The following VASH2 variants were observed in gnomAD, a reference collection of about 807,000 sequenced individuals.
VASH2 encodes tubulinyl-Tyr carboxypeptidase 2.
Under a neutral mutation model 37.2 loss-of-function variants are expected in VASH2, and 28 were observed. The observed-to-expected ratio is 0.75, with a 90% CI of 0.56 to 1.03. VASH2 has a LOEUF of 1.03. Among genes scored for constraint, VASH2 ranks in the 50% least tolerant of loss-of-function variants. The probability of loss-of-function intolerance (pLI) is 0.00; values close to 1 mark genes in which losing one functional copy is unlikely to be tolerated. For missense variants in VASH2, 419 were observed against 459.1 expected, an observed-to-expected ratio of 0.91 and a Z score of 0.80; for synonymous variants, 188 against 174.7, an observed-to-expected ratio of 1.08 and a Z score of -0.60.
At chr1:212,964,926 T>G (rs993801690) in intron 3 of VASH2, among the ~76,000 whole-genome samples, 4 of 151,864 alleles carry the variant, frequency 2.6e-5, no homozygotes, top group East Asian at 1.9e-4. Context: ...TGCCAGGTTT[T>G]TTTTTTTTTT....
chr1:212,962,208 C>T (rs1666702039), intron 3 of VASH2, among the ~76,000 whole-genome samples: 1 of 152,182 alleles, frequency 6.6e-6, no homozygotes, highest in Non-Finnish European at 1.5e-5. Context: ...GTCAGGATTA[C>T]ATCAGTTCTG....
At chr1:212,966,540 G>A (rs547818099) in intron 5 of VASH2, among the ~76,000 whole-genome samples, 195 bp downstream of exon 5, 9 of 152,230 alleles carry the variant, frequency 5.9e-5, no homozygotes, top group African/African-American at 2.2e-4. Flanking sequence ...TGGCTTCTTG[G>A]ACCAATATCA....
chr1:212,962,069 G>A (rs1432836980), intron 3 of VASH2, among the ~76,000 whole-genome samples: 1 of 152,176 alleles, frequency 6.6e-6, no homozygotes, highest in Non-Finnish European at 1.5e-5. Context: ...GAATGGTTCG[G>A]CTTCTGGGAT....
intron 7 of VASH2, among the ~76,000 whole-genome samples, chr1:212,977,101 A>C (rs1424468134): frequency 6.6e-6 from 1 of 152,170 alleles, no homozygotes; most frequent in African/African-American, 2.4e-5. Flanking sequence ...GGTGACATTT[A>C]GAGAGGCAGT....
intron 7 of VASH2, among the ~76,000 whole-genome samples, chr1:212,981,019 G>C (rs1379467957): frequency 6.6e-6 from 1 of 152,206 alleles, no homozygotes; most frequent in Non-Finnish European, 1.5e-5. Flanking sequence ...AGTGAGCCAG[G>C]AGCCTCTGTG....
chr1:212,988,770 GA>G lies in VASH2; in HGVS notation c.*190del. The G allele has an allele frequency of 1.6e-6, 1 of 631,460 alleles. No homozygotes were observed. The highest frequency in any genetic ancestry group is 1.8e-5 in the African/African-American group (1 of 54,570). The allele number at this position is 631,460 out of a possible 1,614,324, so 39.1% of individuals were successfully genotyped here. A position where few individuals can be genotyped will look rare whatever the true frequency, so the allele number is the denominator to read the frequency against. On this transcript the variant is annotated 3_prime_UTR_variant, in exon 8 of 8. Coordinates refer to ENST00000517399, the MANE Select transcript of VASH2 (RefSeq NM_001301056.2). ...TAAAAAATTCACTAAAAGGCACCAT[GA>G]AAAGGCTGAAGTAATAAGCCCCACT...
chr1:212,951,406 C>G lies in VASH2; in HGVS notation c.-137C>G. The G allele has an allele frequency of 6.0e-6, 2 of 334,356 alleles. No individual in the cohort carries two copies. The highest frequency in any genetic ancestry group is 8.6e-6 in the Non-Finnish European group (2 of 231,956). The allele number at this position is 334,356 out of a possible 1,614,324, so 20.7% of individuals were successfully genotyped here. A position where few individuals can be genotyped will look rare whatever the true frequency, so the allele number is the denominator to read the frequency against. On this transcript the variant is annotated 5_prime_UTR_variant, in exon 2 of 8. Coordinates refer to ENST00000517399, the MANE Select transcript of VASH2 (RefSeq NM_001301056.2). This position sits in a 1 kb window ranked among gnomAD's most constrained non-coding sequence, Gnocchi z 4.4. Reference sequence around the variant, plus strand: ...CGCTCCCCCTTGGTGAGTCCTGCCGCAGCGAGAGGCATGGAGAAGGCCGCC... The same window carrying G: ...CGCTCCCCCTTGGTGAGTCCTGCCGGAGCGAGAGGCATGGAGAAGGCCGCC...
chr1:212,991,270 A>C lies in VASH2; in HGVS notation c.*2686A>C, dbSNP rs2102672050. ...GATATTGGTAAATAGAACTTTGGAAATCTTAATTCAGAATTCTTACTATAC... is the reference window on the plus strand; with the variant it reads ...GATATTGGTAAATAGAACTTTGGAACTCTTAATTCAGAATTCTTACTATAC... On this transcript the variant is annotated 3_prime_UTR_variant, in exon 8 of 8. Transcript: ENST00000517399. 6.6e-6 allele frequency: 1 copy of C among 152,358 alleles called. No individual in the cohort carries two copies. Among genetic ancestry groups the C allele is most frequent in the Non-Finnish European group, 1.5e-5 (1 of 68,026 alleles). The allele number at this position is 152,358 out of a possible 1,614,324, so 9.4% of individuals were successfully genotyped here.
At chr1:212,974,148 G>A (rs1285104872) in intron 7 of VASH2, 78 bp downstream of exon 7, 6 of 1,466,522 alleles carry the variant, frequency 4.1e-6, no homozygotes, top group Non-Finnish European at 5.5e-6. Context: ...TGGGGACAAA[G>A]CTGTGTCTTG....
intron 5 of VASH2, among the ~76,000 whole-genome samples, chr1:212,970,800 G>C (rs931320002): frequency 6.6e-6 from 1 of 151,942 alleles, no homozygotes; most frequent in African/African-American, 2.4e-5. Context: ...TGAGGCGGGA[G>C]AATCGCTTGA....
intron 7 of VASH2, among the ~76,000 whole-genome samples, chr1:212,978,523 G>GTGATGGC (rs2102652899): frequency 6.6e-6 from 1 of 152,344 alleles, no homozygotes; most frequent in South Asian, 2.1e-4. Flanking sequence ...GAGCACGGAG[G>GTGATGGC]TGATGGCTGA....
chr1:212,951,423 A>G lies in VASH2; in HGVS notation c.-120A>G, dbSNP rs114232740. ...TCCTGCCGCAGCGAGAGGCATGGAG[A>G]AGGCCGCCCCCGCGGGGCGCTGATC... is the stretch of plus-strand genomic sequence containing the variant. On this transcript the variant is annotated 5_prime_UTR_variant, in exon 2 of 8. Coordinates refer to ENST00000517399, the MANE Select transcript of VASH2 (RefSeq NM_001301056.2). The surrounding 1 kb of genome is among the most constrained non-coding windows in gnomAD (Gnocchi z 4.4). 36,747 of 457,044 alleles carry G rather than the reference A, an allele frequency of 0.08. 2,265 individuals carry two copies. The highest frequency in any genetic ancestry group is 0.24 in the African/African-American group (11,450 of 47,200). 28.3% of individuals were successfully genotyped at this position (457,044 alleles called of 1,614,324 possible).
At chr1:212,962,266 G>C (rs1666704144) in intron 3 of VASH2, among the ~76,000 whole-genome samples, 1 of 152,174 alleles carries the variant, frequency 6.6e-6, no homozygotes, top group Non-Finnish European at 1.5e-5. Context: ...AGGAGCGGGT[G>C]GTCCACCTGC....
At chr1:212,962,980 T>C (rs1200772065) in intron 3 of VASH2, among the ~76,000 whole-genome samples, 2 of 133,702 alleles carry the variant, frequency 1.5e-5, no homozygotes, top group African/African-American at 7.2e-5. Context: ...CCCATCTCTT[T>C]TTTTTTTTTA....
Position 212,988,523 on chromosome 1 carries a change from C to A in VASH2, c.1007C>A (p.Pro336His). The change falls in exon 8 of 8, where the codon CCT becomes CAT. Residue 336 changes from proline to histidine, a missense_variant. Around this residue, in one of 3 missense-constraint regions of VASH2, gnomAD observed 177 missense variants for 166.2 expected, o/e 1.06. Coordinates refer to ENST00000517399, the MANE Select transcript of VASH2 (RefSeq NM_001301056.2). ...TCTTTTACCCTTAGGCCTGCACTGCCTGAAAAGAAGGTGGCTGATCTGAGC... is the reference window on the plus strand; with the variant it reads ...TCTTTTACCCTTAGGCCTGCACTGCATGAAAAGAAGGTGGCTGATCTGAGC... ...LGRREKSPALPEKKVADLSTL... is the reference protein window; with the variant it reads ...LGRREKSPALHEKKVADLSTL... 1 of 1,614,064 alleles carries A rather than the reference C, an allele frequency of 6.2e-7. No individual in the cohort carries two copies. Among genetic ancestry groups the A allele is most frequent in the South Asian group, 1.1e-5 (1 of 91,074 alleles).
chr1:212,961,075 C>T (rs886808832), intron 2 of VASH2, 91 bp from the exon 3 acceptor site: 1 of 1,259,606 alleles, frequency 7.9e-7, no homozygotes, highest in Non-Finnish European at 1.2e-6. Flanking sequence ...GCACCTCTCT[C>T]TCTGGTGGCT....
At chr1:212,980,736 A>G (rs1429524609) in intron 7 of VASH2, among the ~76,000 whole-genome samples, 2 of 152,220 alleles carry the variant, frequency 1.3e-5, no homozygotes, top group Admixed American at 1.3e-4. Context: ...CCAAGAAGTA[A>G]TTCTCCTTAG....
At chr1:212,964,167 T>G (rs1666765200) in intron 3 of VASH2, among the ~76,000 whole-genome samples, 1 of 152,296 alleles carries the variant, frequency 6.6e-6, no homozygotes, top group Non-Finnish European at 1.5e-5. Flanking sequence ...GGGGTTATGC[T>G]CCATGGCCTG....
At chr1:212,972,198 G>T (rs1414376955) in intron 5 of VASH2, among the ~76,000 whole-genome samples, 1 of 152,184 alleles carries the variant, frequency 6.6e-6, no homozygotes, top group East Asian at 1.9e-4. Flanking sequence ...GATGAGGAAG[G>T]TCAGGGAGGC....
Sources: gnomAD v4.1 joint callset for allele counts (sites outside exome capture counted in the v4.1 genomes callset) on GRCh38, gnomAD v4.1.1 for gene constraint, gnomAD v4.1.1 regional missense constraint, Gnocchi (gnomAD v3.1) non-coding constraint, MANE v1.5 for transcripts, NCBI Gene and HGNC (gene_info 2026-07-23, HGNC 2026-07-21) for gene names.